Variants in GNL1 observed in about 807,000 individuals in gnomAD.
The protein encoded by GNL1 is guanine nucleotide-binding protein-like 1.
GNL1 carries 21 observed loss-of-function variants against 75.2 expected under a neutral mutation model. That is an observed-to-expected ratio of 0.28 (90% CI 0.20 to 0.40). The LOEUF (loss-of-function observed/expected upper bound fraction) is 0.40. Among genes scored for constraint, GNL1 ranks in the 10% least tolerant of loss-of-function variants. The pLI, the probability that GNL1 is intolerant of heterozygous loss-of-function variation, is 1.00. For missense variants in GNL1, 579 were observed against 775.0 expected (o/e 0.75, Z 3.00); for synonymous variants, 287 against 303.4 (o/e 0.95, Z 0.56).
rs1265357050 is a variant in GNL1, at chr6:30,548,310, C to T, written c.1100-780G>A. Among the ~76,000 whole-genome samples, 1 of 152,072 alleles carries T rather than the reference C, an allele frequency of 6.6e-6. No homozygotes were observed. The highest frequency in any genetic ancestry group is 1.5e-5 in the Non-Finnish European group (1 of 68,014). On this transcript the variant is annotated intron_variant, in intron 8 of 11. Coordinates refer to ENST00000376621, the MANE Select transcript of GNL1 (RefSeq NM_005275.5). This position sits in a 1 kb window ranked among gnomAD's most constrained non-coding sequence, Gnocchi z 4.2. ...TGACTTCAGTGCCTTCATCTCCCTTCCACAGAGCATCTCCTTTACCCCACC... is the reference window on the plus strand; with the variant it reads ...TGACTTCAGTGCCTTCATCTCCCTTTCACAGAGCATCTCCTTTACCCCACC...
At chr6:30,553,227 C>G in intron 6 of GNL1, 48 bp from the exon 7 acceptor site, 1 of 1,470,520 alleles carries the variant, frequency 6.8e-7, no homozygotes, top group Non-Finnish European at 9.5e-7. Flanking sequence ...TTAGGCCTCT[C>G]ATCTCTCCCA....
In GNL1 at chr6:30,547,432, T is replaced by A; in HGVS notation, c.1198A>T (p.Thr400Ser). The A allele has an allele frequency of 1.9e-6, 3 of 1,613,968 alleles. No homozygotes were observed. The highest frequency in any genetic ancestry group is 2.5e-6 in the Non-Finnish European group (3 of 1,179,930). ...RTPGHTRYFQ[T>S]YFLTPSVKLC... ...TTCACAGAGGGGGTAAGAAAGTAGG[T>A]CTGAAAGTATCGGGTATGGCCCGGG... The change falls in exon 9 of 12, where the codon ACC becomes TCC. Residue 400 changes from threonine to serine, a missense_variant. Transcript: ENST00000376621. This position sits in a 1 kb window ranked among gnomAD's most constrained non-coding sequence, Gnocchi z 5.5.
Position 30,555,794 on chromosome 6 carries a change from G to A in GNL1, c.74-74C>T, listed in dbSNP as rs1800128332. 1.4e-6 allele frequency: 2 copies of A among 1,470,248 alleles called. No homozygotes were observed. Among genetic ancestry groups the A allele is most frequent in the Non-Finnish European group, 1.9e-6 (2 of 1,066,126 alleles). The allele number at this position is 1,470,248 out of a possible 1,614,324, so 91.1% of individuals were successfully genotyped here. On this transcript the variant is annotated intron_variant, in intron 1 of 11. Transcript: ENST00000376621. This position sits in a 1 kb window ranked among gnomAD's most constrained non-coding sequence, Gnocchi z 4.3. ...ATAAGACCCTCTCCCCCATCGGCCT[G>A]ACTCCCTTTCATCCCACTCAACTTC...
chr6:30,550,630 G>A (rs1477640546), intron 8 of GNL1, among the ~76,000 whole-genome samples: 3 of 152,006 alleles, frequency 2.0e-5, no homozygotes, highest in Non-Finnish European at 2.9e-5. Flanking sequence ...AAACTTATAA[G>A]AAACAAAATC....
rs1337082421 is a variant in GNL1 at position 30,548,140 on chromosome 6, C to T, written c.1100-610G>A. On this transcript the variant is annotated intron_variant, in intron 8 of 11. Transcript: ENST00000376621. The surrounding 1 kb of genome is among the most constrained non-coding windows in gnomAD (Gnocchi z 4.2). ...GCAGTGAGCTGAGATTGCACCATTG[C>T]ACTCCAGCCTGGGCAATAAGAGGGA... Among the ~76,000 whole-genome samples the T allele has an allele frequency of 6.6e-6, 1 of 152,088 alleles. No homozygotes were observed. The highest frequency in any genetic ancestry group is 1.5e-5 in the Non-Finnish European group (1 of 68,020).
Position 30,545,928 on chromosome 6 carries a change from C to T in GNL1, c.*144G>A. 4.6e-6 allele frequency: 3 copies of T among 647,984 alleles called. No homozygotes were observed. In the South Asian group the frequency reaches 5.7e-5, roughly 12 times the overall value. 40.1% of individuals were successfully genotyped at this position (647,984 alleles called of 1,614,324 possible). ...GCCTCCCACAGCTGTTAGCCTGGAA[C>T]AGCCGCTCTCACCTCAGTTCATCTG... On this transcript the variant is annotated 3_prime_UTR_variant, in exon 12 of 12. Transcript: ENST00000376621.
rs201780688 is a variant in GNL1, at chr6:30,553,158, C to T, written c.830G>A (p.Arg277Gln). 33 of 1,613,320 alleles carry T rather than the reference C, an allele frequency of 2.0e-5. No individual in the cohort carries two copies. Among genetic ancestry groups the T allele is most frequent in the Admixed American group, 1.7e-4 (10 of 59,990 alleles). ...CAGGGCCCGAGTCCATCCTCTCCCC[C>T]GCCTCCGACTCTTCTTCAAGACTGA... Reference protein sequence around the residue: ...PSSVLKKSRRRGRGWTRALGP... With the variant: ...PSSVLKKSRRQGRGWTRALGP... The change falls in exon 7 of 12, where the codon CGG (arginine) becomes CAG (glutamine). Residue 277 changes from arginine to glutamine, a missense_variant. Transcript: ENST00000376621.
chr6:30,545,873 C>T lies in GNL1; in HGVS notation c.*199G>A. ...AGAACTTTCCCTTGCAAAGAGAATG[C>T]ATGAAAAAAGAAGGGAGAAGAGGAG... is the stretch of plus-strand genomic sequence containing the variant. On this transcript the variant is annotated 3_prime_UTR_variant, in exon 12 of 12. Coordinates refer to ENST00000376621, the MANE Select transcript of GNL1 (RefSeq NM_005275.5). 1.8e-6 allele frequency: 1 copy of T among 558,394 alleles called. No homozygotes were observed. Among genetic ancestry groups the T allele is most frequent in the Non-Finnish European group, 3.1e-6 (1 of 322,268 alleles). 34.6% of individuals were successfully genotyped at this position (558,394 alleles called of 1,614,324 possible). A position where few individuals can be genotyped will look rare whatever the true frequency, so the allele number is the denominator to read the frequency against.
At position 30,552,705 on chromosome 6, in the gene GNL1, G is replaced by A; in HGVS notation, c.905-44C>T. On this transcript the variant is annotated intron_variant, in intron 7 of 11. Coordinates refer to ENST00000376621, the MANE Select transcript of GNL1 (RefSeq NM_005275.5). This position sits in a 1 kb window ranked among gnomAD's most constrained non-coding sequence, Gnocchi z 4.5. ...GATTAAAGAGGTTCTCCCCAGGGCT[G>A]CTGTGCATGATGGCACATACTGTGC... 6.4e-7 allele frequency: 1 copy of A among 1,554,018 alleles called. No individual in the cohort carries two copies. The highest frequency in any genetic ancestry group is 1.2e-5 in the South Asian group (1 of 85,398).
rs1025072366 is a variant in GNL1, at chr6:30,555,924, TG to T, written c.74-205del. ...AGTGGGGACGGCGCCCCGTGCTAGC[TG>T]GAGGGATTCCCCTCCCCCAACTCTC... On this transcript the variant is annotated intron_variant, in intron 1 of 11. Coordinates refer to ENST00000376621, the MANE Select transcript of GNL1 (RefSeq NM_005275.5). This position sits in a 1 kb window ranked among gnomAD's most constrained non-coding sequence, Gnocchi z 4.3. 10 of 798,506 alleles carry T rather than the reference TG, an allele frequency of 1.3e-5. No homozygotes were observed. The African/African-American group carries it at 1.7e-4, about 14-fold the overall frequency. 49.5% of individuals were successfully genotyped at this position (798,506 alleles called of 1,614,324 possible).
chr6:30,550,103 G>T (rs1245194134), intron 8 of GNL1, among the ~76,000 whole-genome samples: 1 of 152,122 alleles, frequency 6.6e-6, no homozygotes, highest in Non-Finnish European at 1.5e-5. Context: ...TGGGATTATA[G>T]GCATGAGCCA....
rs369241036 is a variant in GNL1, at chr6:30,546,057, C to T, written c.*15G>A. The T allele has an allele frequency of 3.8e-6, 6 of 1,579,544 alleles. No individual in the cohort carries two copies. The highest frequency in any genetic ancestry group is 3.5e-5 in the South Asian group (3 of 86,942). ...GCAAAGATACTGGGAGGGAAGATGGCGCTGGGCGAGGAACTCAGCACTCAT... is the reference window on the plus strand; with the variant it reads ...GCAAAGATACTGGGAGGGAAGATGGTGCTGGGCGAGGAACTCAGCACTCAT... On this transcript the variant is annotated 3_prime_UTR_variant, in exon 12 of 12. Transcript: ENST00000376621. The surrounding 1 kb of genome is among the most constrained non-coding windows in gnomAD (Gnocchi z 5.1).
At position 30,547,170 on chromosome 6, in the gene GNL1, G is replaced by A; in HGVS notation, c.1383C>T (p.His461=). The change falls in exon 10 of 12, where the codon CAC becomes CAT. Residue 461 remains histidine (H), a synonymous_variant. Transcript: ENST00000376621. The surrounding 1 kb of genome is among the most constrained non-coding windows in gnomAD (Gnocchi z 5.5). ...CCGCTGAGGGGTCCTCAGCCTCTGG[G>A]TGGCGCAGGTGGAGCAGGGCCTGCA... ...IPVQALLHLR[H]PEAEDPSAEH... The A allele has an allele frequency of 6.2e-7, 1 of 1,613,212 alleles. No homozygotes were observed.
Position 30,553,468 on chromosome 6 carries a change from G to A in GNL1, c.690C>T (p.Ala230=), listed in dbSNP as rs1381041502. The change falls in exon 6 of 12, where the codon GCC becomes GCT. Residue 230 remains alanine (A), a synonymous_variant. Coordinates refer to ENST00000376621, the MANE Select transcript of GNL1 (RefSeq NM_005275.5). ...LVLVLNKVDL[A]PPALVVAWKH... ...TCCAGGCAACCACAAGAGCTGGCGGGGCCAGATCCACCTTGTTCAAAACCA... is the reference window on the plus strand; with the variant it reads ...TCCAGGCAACCACAAGAGCTGGCGGAGCCAGATCCACCTTGTTCAAAACCA... The A allele has an allele frequency of 6.2e-7, 1 of 1,612,790 alleles. No homozygotes were observed. Among genetic ancestry groups the A allele is most frequent in the South Asian group, 1.1e-5 (1 of 91,076 alleles).
chr6:30,554,049 C>T (rs1482112759), intron 5 of GNL1, among the ~76,000 whole-genome samples: 1 of 152,160 alleles, frequency 6.6e-6, no homozygotes, highest in East Asian at 1.9e-4. Context: ...TGTGTGTGTA[C>T]ATATTATTAA....
chr6:30,546,975 A>G lies in GNL1; in HGVS notation c.1441+137T>C. 9.0e-7 allele frequency: 1 copy of G among 1,110,240 alleles called. No homozygotes were observed. The highest frequency in any genetic ancestry group is 1.3e-6 in the Non-Finnish European group (1 of 743,762). The allele number at this position is 1,110,240 out of a possible 1,614,324, so 68.8% of individuals were successfully genotyped here. A position where few individuals can be genotyped will look rare whatever the true frequency, so the allele number is the denominator to read the frequency against. Reference sequence around the variant, plus strand: ...CTTACTGGCTATGCAACAAAAATCTAGGGGTGAGTGGACAGCAGCTTCATC... The same window carrying G: ...CTTACTGGCTATGCAACAAAAATCTGGGGGTGAGTGGACAGCAGCTTCATC... On this transcript the variant is annotated intron_variant, in intron 10 of 11. Transcript: ENST00000376621. The surrounding 1 kb of genome is among the most constrained non-coding windows in gnomAD (Gnocchi z 5.1).
rs1273338922 is a variant in GNL1, at chr6:30,541,629, G to C, written c.*4443C>G. 2 of 152,250 alleles carry C rather than the reference G, an allele frequency of 1.3e-5. No homozygotes were observed. The highest frequency in any genetic ancestry group is 2.9e-5 in the Non-Finnish European group (2 of 68,030). 9.4% of individuals were successfully genotyped at this position (152,250 alleles called of 1,614,324 possible). A position where few individuals can be genotyped will look rare whatever the true frequency, so the allele number is the denominator to read the frequency against. On this transcript the variant is annotated 3_prime_UTR_variant, in exon 12 of 12. Coordinates refer to ENST00000376621, the MANE Select transcript of GNL1 (RefSeq NM_005275.5). ...CAGCCTGCAGTGATGCTACGACACC[G>C]GCAGATGGCGCTGCAAAGCTTCTCA...
At position 30,552,772 on chromosome 6, in the gene GNL1, G is replaced by T; in HGVS notation, c.905-111C>A. The T allele has an allele frequency of 1.1e-6, 1 of 947,794 alleles. No individual in the cohort carries two copies. Among genetic ancestry groups the T allele is most frequent in the Non-Finnish European group, 1.6e-6 (1 of 637,792 alleles). 58.7% of individuals were successfully genotyped at this position (947,794 alleles called of 1,614,324 possible). On this transcript the variant is annotated intron_variant, in intron 7 of 11. Transcript: ENST00000376621. This position sits in a 1 kb window ranked among gnomAD's most constrained non-coding sequence, Gnocchi z 4.5. ...AACTGGCACCCTCTGGAGTTGTACA[G>T]TGCCAACCTAAATAAGAGCAGGTCA... is the stretch of plus-strand genomic sequence containing the variant.
chr6:30,546,938 C>A lies in GNL1; in HGVS notation c.1442-102G>T. Reference sequence around the variant, plus strand: ...CCTTCCAGTTTTCCCCAAAACATTCCAGGCCAGAGATCTTACTGGCTATGC... The same window carrying A: ...CCTTCCAGTTTTCCCCAAAACATTCAAGGCCAGAGATCTTACTGGCTATGC... On this transcript the variant is annotated intron_variant, in intron 10 of 11. Coordinates refer to ENST00000376621, the MANE Select transcript of GNL1 (RefSeq NM_005275.5). This position sits in a 1 kb window ranked among gnomAD's most constrained non-coding sequence, Gnocchi z 5.1. 1 of 1,214,846 alleles carries A rather than the reference C, an allele frequency of 8.2e-7. No homozygotes were observed. The highest frequency in any genetic ancestry group is 1.9e-5 in the Admixed American group (1 of 51,814). 75.3% of individuals were successfully genotyped at this position (1,214,846 alleles called of 1,614,324 possible). A position where few individuals can be genotyped will look rare whatever the true frequency, so the allele number is the denominator to read the frequency against.
Sources: allele counts gnomAD v4.1 joint callset (sites outside exome capture counted in the v4.1 genomes callset), GRCh38; gene constraint gnomAD v4.1.1; non-coding constraint Gnocchi (gnomAD v3.1); transcripts MANE v1.5; gene names NCBI Gene and HGNC (gene_info 2026-07-23, HGNC 2026-07-21).